Variants in TNFRSF19 observed in about 807,000 individuals in gnomAD.
TNFRSF19 encodes TNF receptor superfamily member 19.
TNFRSF19 carries 27 observed loss-of-function variants against 46.4 expected under a neutral mutation model. The ratio of observed to expected loss-of-function variants is 0.58; its 90% CI spans 0.43 to 0.80. The LOEUF is 0.80. Among genes scored for constraint, TNFRSF19 ranks in the 30% least tolerant of loss-of-function variants. The probability of loss-of-function intolerance (pLI) is 0.00; values close to 1 mark genes in which losing one functional copy is unlikely to be tolerated. For synonymous variants in TNFRSF19, 204 were observed against 205.0 expected (o/e 1.00, Z 0.04); for missense variants, 511 against 530.8 (o/e 0.96, Z 0.37).
At chr13:23,672,079 G>T (rs1951770308) in intron 9 of TNFRSF19, among the ~76,000 whole-genome samples, 1 of 152,124 alleles carries the variant, frequency 6.6e-6, no homozygotes. Context: ...GTGGTGTAAG[G>T]CCATGATTTC....
chr13:23,653,606 G>A (rs1236828760), intron 5 of TNFRSF19, among the ~76,000 whole-genome samples: 2 of 152,152 alleles, frequency 1.3e-5, no homozygotes, highest in African/African-American at 4.8e-5. Context: ...TGTGGACAGA[G>A]GCACTGACAG....
In TNFRSF19 at chr13:23,615,884, T is replaced by C. The variant is rs771709546; in HGVS notation, c.198T>C (p.Tyr66=). The C allele has an allele frequency of 2.5e-6, 4 of 1,608,440 alleles. No individual in the cohort carries two copies. Among genetic ancestry groups the C allele is most frequent in the South Asian group, 1.1e-5 (1 of 90,170 alleles). ...CCCCACAGGAATGTGGCTTCGGCTATGGGGAGGATGCACAGTGTGTGACGT... is the reference window on the plus strand; with the variant it reads ...CCCCACAGGAATGTGGCTTCGGCTACGGGGAGGATGCACAGTGTGTGACGT... ...MELSKECGFG[Y]GEDAQCVTCR... Residue 66 remains tyrosine, a synonymous_variant, in exon 4 of 10, where the codon TAT becomes TAC. Transcript: ENST00000248484.
At position 23,620,350 on chromosome 13, in the gene TNFRSF19, A is replaced by G. The variant is rs1053930585; in HGVS notation, c.359+4305A>G. ...TCTGCCTCCTGCGGCCTCATTCTCT[A>G]GCAAGAACCTGCTGCTGTCCATAGG... On this transcript the variant is annotated intron_variant, in intron 4 of 9. Coordinates refer to ENST00000248484, the MANE Select transcript of TNFRSF19 (RefSeq NM_148957.4). Among the ~76,000 whole-genome samples the G allele has an allele frequency of 3.3e-5, 5 of 152,298 alleles. No individual in the cohort carries two copies. In the East Asian group the frequency reaches 7.7e-4, roughly 23 times the overall value.
Position 23,674,347 on chromosome 13 carries a change from C to T in TNFRSF19, c.*967C>T, listed in dbSNP as rs1217554144. On this transcript the variant is annotated 3_prime_UTR_variant, in exon 10 of 10. Coordinates refer to ENST00000248484, the MANE Select transcript of TNFRSF19 (RefSeq NM_148957.4). ...TTCCCCTACTACTGAAGTAGCCTTCCGTGAGAACACACCACATGTTAGGAC... is the reference window on the plus strand; with the variant it reads ...TTCCCCTACTACTGAAGTAGCCTTCTGTGAGAACACACCACATGTTAGGAC... 4 of 152,162 alleles carry T rather than the reference C, an allele frequency of 2.6e-5. No homozygotes were observed. Among genetic ancestry groups the T allele is most frequent in the Non-Finnish European group, 4.4e-5 (3 of 68,020 alleles). The allele number at this position is 152,162 out of a possible 1,614,324, so 9.4% of individuals were successfully genotyped here.
intron 8 of TNFRSF19, 25 bp downstream of exon 8, chr13:23,668,107 A>G: frequency 6.4e-7 from 1 of 1,564,456 alleles, no homozygotes; most frequent in Non-Finnish European, 8.7e-7. Flanking sequence ...TCAATCAATC[A>G]TTTCATAACC....
intron 3 of TNFRSF19, among the ~76,000 whole-genome samples, chr13:23,608,793 G>A (rs765362289): frequency 2.0e-5 from 3 of 152,176 alleles, no homozygotes; most frequent in Non-Finnish European, 4.4e-5. Flanking sequence ...AGTAATTCTG[G>A]CATGGGACCA....
Position 23,668,686 on chromosome 13 carries a change from G to C in TNFRSF19, c.840-6G>C. On this transcript the variant is annotated splice_region_variant and splice_polypyrimidine_tract_variant and intron_variant, in intron 8 of 9. Coordinates refer to ENST00000248484, the MANE Select transcript of TNFRSF19 (RefSeq NM_148957.4). ...AAACTTTAAGTTCTTTTGAACGTGT[G>C]TGCAGAAACGCAGGCCCAGCCGGGG... 6.2e-7 allele frequency: 1 copy of C among 1,610,030 alleles called. No homozygotes were observed. Among genetic ancestry groups the C allele is most frequent in the Non-Finnish European group, 8.5e-7 (1 of 1,178,026 alleles).
At chr13:23,597,811 C>G (rs1879846911) in intron 3 of TNFRSF19, among the ~76,000 whole-genome samples, 1 of 152,168 alleles carries the variant, frequency 6.6e-6, no homozygotes, top group Non-Finnish European at 1.5e-5. Flanking sequence ...AAATTTCAGG[C>G]CAATATCCCT....
In TNFRSF19 at chr13:23,657,301, G is replaced by A. The variant is rs887624174; in HGVS notation, c.446-1749G>A. ...AATATTAACCCAAGTGTTTCTCTCT[G>A]GGGCTGTAGTCTCAGGTGTCATACG... On this transcript the variant is annotated intron_variant, in intron 5 of 9. Transcript: ENST00000248484. 3.3e-5 allele frequency among the ~76,000 whole-genome samples: 5 copies of A among 152,156 alleles called. No homozygotes were observed. The East Asian group carries it at 9.6e-4, about 29-fold the overall frequency.
At chr13:23,600,049 G>A (rs2138207897) in intron 3 of TNFRSF19, among the ~76,000 whole-genome samples, 1 of 152,282 alleles carries the variant, frequency 6.6e-6, no homozygotes, top group East Asian at 1.9e-4. Context: ...TAGTTTCTAA[G>A]AAATTACTGT....
chr13:23,616,707 C>T (rs533624489), intron 4 of TNFRSF19, among the ~76,000 whole-genome samples: 121 of 152,182 alleles, frequency 8.0e-4, no homozygotes, highest in Middle Eastern at 3.4e-3. Context: ...CTCAGCCTCC[C>T]GAGTAACTGG....
chr13:23,622,512 T>C (rs1432663474), intron 4 of TNFRSF19, among the ~76,000 whole-genome samples: 1 of 152,212 alleles, frequency 6.6e-6, no homozygotes, highest in Admixed American at 6.5e-5. Flanking sequence ...CCTCAAACTT[T>C]TAAAAAAAAT....
intron 3 of TNFRSF19, among the ~76,000 whole-genome samples, chr13:23,607,767 G>A (rs141795555): frequency 1.3e-5 from 2 of 152,152 alleles, no homozygotes; most frequent in African/African-American, 4.8e-5. Context: ...GACATTTTCT[G>A]TCCTCCAGTC....
At chr13:23,622,247 C>CA (rs1881714586) in intron 4 of TNFRSF19, among the ~76,000 whole-genome samples, 2 of 138,958 alleles carry the variant, frequency 1.4e-5, no homozygotes, top group Non-Finnish European at 3.2e-5. Flanking sequence ...ACTAAAAATG[C>CA]AAAAAACAAA....
Position 23,673,422 on chromosome 13 carries a change from CAA to C in TNFRSF19, c.*44_*45del, listed in dbSNP as rs763309049. 1.5e-5 allele frequency: 24 copies of C among 1,593,486 alleles called. No individual in the cohort carries two copies. The highest frequency in any genetic ancestry group is 2.0e-5 in the Non-Finnish European group (23 of 1,167,966). On this transcript the variant is annotated 3_prime_UTR_variant, in exon 10 of 10. Transcript: ENST00000248484. ...TGCAGTAGAAGCGTGTGCTGGAACC[CAA>C]AGAGTACTCCTTTGTTAGGCTTATG...
In TNFRSF19 at chr13:23,655,227, A is replaced by G. The variant is rs1010715036; in HGVS notation, c.446-3823A>G. ...TTGTAGGATGTCGTACTCGTAATAG[A>G]CACTCAGGACATAATTGTTCAGTTG... On this transcript the variant is annotated intron_variant, in intron 5 of 9. Coordinates refer to ENST00000248484, the MANE Select transcript of TNFRSF19 (RefSeq NM_148957.4). Among the ~76,000 whole-genome samples, 6 of 152,344 alleles carry G rather than the reference A, an allele frequency of 3.9e-5. No homozygotes were observed. The South Asian group carries it at 8.3e-4, about 21-fold the overall frequency.
chr13:23,647,935 T>G (rs1883424085), intron 5 of TNFRSF19, among the ~76,000 whole-genome samples: 1 of 152,162 alleles, frequency 6.6e-6, no homozygotes, highest in Non-Finnish European at 1.5e-5. Flanking sequence ...GTTCCATTGG[T>G]CTATATGTCT....
chr13:23,616,377 C>T (rs928176680), intron 4 of TNFRSF19, among the ~76,000 whole-genome samples: 4 of 152,142 alleles, frequency 2.6e-5, no homozygotes, highest in African/African-American at 7.2e-5. Flanking sequence ...AGAGGTGACC[C>T]ATGTGACTGG....
intron 3 of TNFRSF19, among the ~76,000 whole-genome samples, chr13:23,599,938 G>A (rs924926326): frequency 2.3e-4 from 35 of 152,120 alleles, no homozygotes; most frequent in Admixed American, 5.9e-4. Context: ...TTTAATTTTC[G>A]TTTAAAGATG....
Sources: allele counts gnomAD v4.1 joint callset (sites outside exome capture counted in the v4.1 genomes callset), GRCh38; gene constraint gnomAD v4.1.1; transcripts MANE v1.5; gene names NCBI Gene and HGNC (gene_info 2026-07-23, HGNC 2026-07-21).